Variants in SAMM50 observed in about 807,000 individuals in gnomAD.
SAMM50 encodes SAMM50 sorting and assembly machinery component, also known as sorting and assembly machinery component 50 homolog.
Under a neutral mutation model 66.9 loss-of-function variants are expected in SAMM50, and 47 were observed. The ratio of observed to expected loss-of-function variants is 0.70; its 90% CI spans 0.56 to 0.90. The LOEUF is 0.90. SAMM50 is among the 40% of genes least tolerant of loss of function. The pLI is 0.00. For missense variants in SAMM50, 535 were observed against 595.3 expected, an observed-to-expected ratio of 0.90 and a Z score of 1.05; for synonymous variants, 191 against 214.1, an observed-to-expected ratio of 0.89 and a Z score of 0.94.
intron 10 of SAMM50, among the ~76,000 whole-genome samples, chr22:43,980,171 C>CTCATCCATCCAT (rs2050257489): frequency 1.3e-3 from 3 of 2,314 alleles, no homozygotes; most frequent in Admixed American, 0.016. Flanking sequence ...CATTCACCCA[C>CTCATCCATCCAT]CCACCCACCC....
intron 7 of SAMM50, 37 bp from the exon 8 acceptor site, chr22:43,976,018 G>A (rs995146391): frequency 6.3e-7 from 1 of 1,583,266 alleles, no homozygotes; most frequent in Non-Finnish European, 8.6e-7. Context: ...TCCTAAGTAT[G>A]TGTGGTCCGG....
chr22:43,985,889 A>G lies in SAMM50; in HGVS notation c.1075+1889A>G, dbSNP rs2050289814. 2.7e-5 allele frequency among the ~76,000 whole-genome samples: 4 copies of G among 150,642 alleles called. No individual in the cohort carries two copies. In the South Asian group the frequency reaches 8.3e-4, roughly 31 times the overall value. ...GGCTGCGTGTTTTGTCTTATGACAC[A>G]CTATTATCTTTTTAAAGACCAAATC... is the stretch of plus-strand genomic sequence containing the variant. On this transcript the variant is annotated intron_variant, in intron 12 of 14. Coordinates refer to ENST00000350028, the MANE Select transcript of SAMM50 (RefSeq NM_015380.5).
chr22:43,970,962 C>T (rs368057039), intron 4 of SAMM50, among the ~76,000 whole-genome samples: 2 of 152,082 alleles, frequency 1.3e-5, no homozygotes, highest in South Asian at 2.1e-4. Context: ...GTCAGGAGTT[C>T]GAGACCAGCC....
At chr22:43,959,507 TACACACACAC>T (rs138315774) in intron 1 of SAMM50, among the ~76,000 whole-genome samples, 28 of 138,586 alleles carry the variant, frequency 2.0e-4, no homozygotes, top group South Asian at 9.8e-4. Flanking sequence ...TTTTTTATAT[TACACACACAC>T]ACACACACAC....
chr22:43,981,001 C>T (rs2050261900), intron 10 of SAMM50, among the ~76,000 whole-genome samples: 1 of 152,180 alleles, frequency 6.6e-6, no homozygotes, highest in Non-Finnish European at 1.5e-5. Context: ...TGCCCTGAAT[C>T]CTTCCACATT....
chr22:43,973,075 G>T (rs764091074), intron 6 of SAMM50, 74 bp downstream of exon 6: 3 of 1,543,144 alleles, frequency 1.9e-6, no homozygotes, highest in Non-Finnish European at 2.6e-6. Flanking sequence ...TTTGTGAAAA[G>T]AACCATGACA....
Position 43,978,687 on chromosome 22 carries a change from C to G in SAMM50, c.936+729C>G, listed in dbSNP as rs968289393. 2.3e-4 allele frequency among the ~76,000 whole-genome samples: 35 copies of G among 151,422 alleles called. 2 individuals are homozygous for G. The highest frequency in any genetic ancestry group is 6.8e-3 in the Middle Eastern group (2 of 292). On this transcript the variant is annotated intron_variant, in intron 10 of 14. Coordinates refer to ENST00000350028, the MANE Select transcript of SAMM50 (RefSeq NM_015380.5). ...CCTGTTGGGTCAGTTTCTCCTGATT[C>G]ACTCAGGAGTGAGGAGAAAGTGACT...
chr22:43,983,806 C>T lies in SAMM50; in HGVS notation c.1008-127C>T. The T allele has an allele frequency of 1.5e-6, 1 of 664,084 alleles. No homozygotes were observed. The highest frequency in any genetic ancestry group is 2.6e-6 in the Non-Finnish European group (1 of 379,924). The allele number at this position is 664,084 out of a possible 1,614,324, so 41.1% of individuals were successfully genotyped here. A position where few individuals can be genotyped will look rare whatever the true frequency, so the allele number is the denominator to read the frequency against. On this transcript the variant is annotated intron_variant, in intron 11 of 14. Transcript: ENST00000350028. The surrounding 1 kb of genome is among the most constrained non-coding windows in gnomAD (Gnocchi z 4.2). ...TCTTGGTCTTTCTCAAAGGTTTTGCCTTGTAAAAATGCTGTCGATAATCTA... is the reference window on the plus strand; with the variant it reads ...TCTTGGTCTTTCTCAAAGGTTTTGCTTTGTAAAAATGCTGTCGATAATCTA...
At chr22:43,958,196 G>A (rs2050129492) in intron 1 of SAMM50, among the ~76,000 whole-genome samples, 1 of 152,156 alleles carries the variant, frequency 6.6e-6, no homozygotes, top group Non-Finnish European at 1.5e-5. Context: ...TTTATCCCCT[G>A]CATTTGGATG....
chr22:43,976,897 C>T, intron 9 of SAMM50, 76 bp downstream of exon 9: 3 of 530,190 alleles, frequency 5.7e-6, no homozygotes, highest in Non-Finnish European at 1.1e-5. Context: ...TCCCGGTGGG[C>T]TGGGTGGGCC....
chr22:43,985,333 C>T lies in SAMM50; in HGVS notation c.1075+1333C>T, dbSNP rs182914426. ...AGGATCACACAAAGTGGCTTCACTG[C>T]GCTAAAAATGCTGGGCTCCCTTCAT... On this transcript the variant is annotated intron_variant, in intron 12 of 14. Coordinates refer to ENST00000350028, the MANE Select transcript of SAMM50 (RefSeq NM_015380.5). 3.8e-3 allele frequency among the ~76,000 whole-genome samples: 579 copies of T among 152,062 alleles called. 13 individuals are homozygous for T. The highest frequency in any genetic ancestry group is 0.013 in the African/African-American group (550 of 41,352).
At chr22:43,964,667 C>T in intron 3 of SAMM50, 114 bp downstream of exon 3, 1 of 598,032 alleles carries the variant, frequency 1.7e-6, no homozygotes, top group Non-Finnish European at 3.0e-6. Flanking sequence ...GGAGATCTGC[C>T]TCCTACCCCA....
chr22:43,981,614 T>C (rs1443640789), intron 11 of SAMM50, among the ~76,000 whole-genome samples, 153 bp downstream of exon 11: 1 of 152,274 alleles, frequency 6.6e-6, no homozygotes, highest in African/African-American at 2.4e-5. Flanking sequence ...TTTCTAAATA[T>C]CGGGTATACC....
intron 1 of SAMM50, among the ~76,000 whole-genome samples, chr22:43,958,120 C>T (rs2050129214): frequency 6.6e-6 from 1 of 152,186 alleles, no homozygotes; most frequent in African/African-American, 2.4e-5. Context: ...CACTTCATTC[C>T]CCCTCCCATC....
chr22:43,973,758 C>T (rs892129934), intron 7 of SAMM50, among the ~76,000 whole-genome samples: 1 of 152,134 alleles, frequency 6.6e-6, no homozygotes, highest in African/African-American at 2.4e-5. Context: ...GCCTCAGCCT[C>T]CGTCACCGTG....
intron 11 of SAMM50, among the ~76,000 whole-genome samples, chr22:43,982,464 C>A (rs2050269484): frequency 6.6e-6 from 1 of 152,194 alleles, no homozygotes; most frequent in Non-Finnish European, 1.5e-5. Flanking sequence ...GGATCCCTTT[C>A]CAGCGTGCAT....
chr22:43,973,009 G>C lies in SAMM50; in HGVS notation c.560+8G>C, dbSNP rs1483873676. 1 of 1,587,646 alleles carries C rather than the reference G, an allele frequency of 6.3e-7. No homozygotes were observed. Among genetic ancestry groups the C allele is most frequent in the Non-Finnish European group, 8.5e-7 (1 of 1,173,672 alleles). ...CGGAAACTTCGAAAGAAAGTAGGAAGCCCAACAGATCATTGAGTACACTGG... is the reference window on the plus strand; with the variant it reads ...CGGAAACTTCGAAAGAAAGTAGGAACCCCAACAGATCATTGAGTACACTGG... On this transcript the variant is annotated splice_region_variant and intron_variant, in intron 6 of 14. Transcript: ENST00000350028.
At position 43,985,890 on chromosome 22, in the gene SAMM50, C is replaced by G. The variant is rs149195939; in HGVS notation, c.1075+1890C>G. On this transcript the variant is annotated intron_variant, in intron 12 of 14. Coordinates refer to ENST00000350028, the MANE Select transcript of SAMM50 (RefSeq NM_015380.5). Reference sequence around the variant, plus strand: ...GCTGCGTGTTTTGTCTTATGACACACTATTATCTTTTTAAAGACCAAATCC... The same window carrying G: ...GCTGCGTGTTTTGTCTTATGACACAGTATTATCTTTTTAAAGACCAAATCC... 3.3e-3 allele frequency among the ~76,000 whole-genome samples: 495 copies of G among 151,388 alleles called. 10 individuals carry two copies. Among genetic ancestry groups the G allele is most frequent in the African/African-American group, 0.01 (424 of 41,156 alleles).
intron 1 of SAMM50, chr22:43,956,925 G>C: frequency 2.0e-6 from 1 of 509,384 alleles, no homozygotes; most frequent in Non-Finnish European, 3.5e-6. Context: ...TAGTATCTGT[G>C]ACTTTTGGTT....
Sources: allele counts gnomAD v4.1 joint callset (sites outside exome capture counted in the v4.1 genomes callset), GRCh38; gene constraint gnomAD v4.1.1; non-coding constraint Gnocchi (gnomAD v3.1); transcripts MANE v1.5; gene names NCBI Gene and HGNC (gene_info 2026-07-23, HGNC 2026-07-21).